Variants in ARHGEF4 observed in about 807,000 individuals in gnomAD.
ARHGEF4 encodes APC-stimulated guanine nucleotide exchange factor 1.
Under a neutral mutation model 162.0 loss-of-function variants are expected in ARHGEF4, and 119 were observed. The ratio of observed to expected loss-of-function variants is 0.73; its 90% CI spans 0.63 to 0.86. The LOEUF is 0.86. ARHGEF4 is among the 40% of genes least tolerant of loss of function. The pLI is 0.00. For missense variants in ARHGEF4, 2,488 were observed against 2,456.0 expected, an observed-to-expected ratio of 1.01 and a Z score of -0.28; for synonymous variants, 1,014 against 979.9, an observed-to-expected ratio of 1.03 and a Z score of -0.65.
intron 1 of ARHGEF4, among the ~76,000 whole-genome samples, chr2:130,852,923 C>G (rs1444434596): frequency 6.6e-6 from 1 of 152,202 alleles, no homozygotes; most frequent in Non-Finnish European, 1.5e-5. Flanking sequence ...TCAGCAGCAG[C>G]CGGCTGCCCC....
chr2:130,944,199 A>T (rs756742800), intron 3 of ARHGEF4, among the ~76,000 whole-genome samples: 2 of 151,836 alleles, frequency 1.3e-5, no homozygotes, highest in African/African-American at 4.8e-5. Flanking sequence ...CTGCTTTAAG[A>T]TTTTTTTCAT....
At chr2:130,937,402 C>CATT (rs1683022372) in intron 3 of ARHGEF4, among the ~76,000 whole-genome samples, 1 of 152,082 alleles carries the variant, frequency 6.6e-6, no homozygotes, top group Admixed American at 6.6e-5. Flanking sequence ...AGACATGTTA[C>CATT]ATTGAATTTT....
At chr2:131,023,491 A>C (rs1689278649) in intron 4 of ARHGEF4, among the ~76,000 whole-genome samples, 1 of 152,200 alleles carries the variant, frequency 6.6e-6, no homozygotes, top group African/African-American at 2.4e-5. Context: ...TATGGCAAGT[A>C]AGCACATGAA....
chr2:131,037,925 A>G (rs1256078363), intron 5 of ARHGEF4, among the ~76,000 whole-genome samples: 1 of 152,214 alleles, frequency 6.6e-6, no homozygotes, highest in Non-Finnish European at 1.5e-5. Context: ...TGCTTCTCCT[A>G]GAACTTGGGA....
chr2:131,011,684 A>G lies in ARHGEF4; in HGVS notation c.3986-16261A>G, dbSNP rs1038948586. ...CCATCGGAGCTGATGGGGGTGGGGTAGAGAGAGGAAATGAGGCCAGATGGG... is the reference window on the plus strand; with the variant it reads ...CCATCGGAGCTGATGGGGGTGGGGTGGAGAGAGGAAATGAGGCCAGATGGG... On this transcript the variant is annotated intron_variant, in intron 4 of 13. Coordinates refer to ENST00000409359, the MANE Select transcript of ARHGEF4 (RefSeq NM_001367493.1). 1.0e-5 allele frequency: 16 copies of G among 1,531,486 alleles called. No homozygotes were observed. In the African/African-American group the frequency reaches 2.2e-4, roughly 21 times the overall value. 94.9% of individuals were successfully genotyped at this position (1,531,486 alleles called of 1,614,324 possible). A position where few individuals can be genotyped will look rare whatever the true frequency, so the allele number is the denominator to read the frequency against.
In ARHGEF4 at chr2:130,839,558, G is replaced by T. The variant is rs75013459; in HGVS notation, c.39+2566G>T. Among the ~76,000 whole-genome samples, 197 of 152,346 alleles carry T rather than the reference G, an allele frequency of 1.3e-3. 2 individuals carry two copies. The East Asian group carries it at 0.031, about 24-fold the overall frequency. The stretch of plus-strand genomic sequence containing the variant: ...ACCGTGGGATCCATGGGGCATGACA[G>T]TCGTGTGGCAGAGTCCCTCCCCGTG... On this transcript the variant is annotated intron_variant, in intron 1 of 13. Coordinates refer to ENST00000409359, the MANE Select transcript of ARHGEF4 (RefSeq NM_001367493.1).
intron 1 of ARHGEF4, chr2:130,837,330 G>A: frequency 8.7e-6 from 3 of 346,086 alleles, no homozygotes; most frequent in Non-Finnish European, 1.1e-5. Context: ...ACTCGGAGCC[G>A]CTGCCTGGAC....
At chr2:131,041,092 A>G in intron 8 of ARHGEF4, 138 bp from the exon 9 acceptor site, 1 of 710,000 alleles carries the variant, frequency 1.4e-6, no homozygotes, top group South Asian at 1.8e-5. Flanking sequence ...GGAAATAGGT[A>G]CACACAGCCT....
chr2:131,035,541 A>G (rs1408410040), intron 5 of ARHGEF4: 2 of 531,540 alleles, frequency 3.8e-6, no homozygotes, highest in Non-Finnish European at 5.0e-6. Context: ...GTAACCGAGG[A>G]TGCGGATTCA....
intron 4 of ARHGEF4, among the ~76,000 whole-genome samples, chr2:130,953,360 A>G (rs1211270359): frequency 2.0e-5 from 3 of 152,230 alleles, no homozygotes; most frequent in African/African-American, 7.2e-5. Flanking sequence ...CCATATGTAG[A>G]AAGCTGAAAC....
chr2:131,002,090 G>A (rs1269927579), intron 4 of ARHGEF4, among the ~76,000 whole-genome samples: 1 of 152,130 alleles, frequency 6.6e-6, no homozygotes, highest in African/African-American at 2.4e-5. Flanking sequence ...AATACTTACT[G>A]AGAATCTACT....
intron 2 of ARHGEF4, among the ~76,000 whole-genome samples, chr2:130,918,917 C>T (rs1160132431): frequency 1.3e-5 from 2 of 152,120 alleles, no homozygotes; most frequent in Non-Finnish European, 2.9e-5. Flanking sequence ...AAGGAAAAGG[C>T]CTCTCCCCAA....
intron 1 of ARHGEF4, among the ~76,000 whole-genome samples, chr2:130,894,144 T>G (rs764521892): frequency 6.6e-6 from 1 of 152,232 alleles, no homozygotes; most frequent in Non-Finnish European, 1.5e-5. Context: ...AGCCCCAGTT[T>G]GCCATGGACA....
intron 6 of ARHGEF4, chr2:131,039,602 T>A: frequency 3.8e-6 from 4 of 1,045,292 alleles, no homozygotes; most frequent in Non-Finnish European, 4.6e-6. Flanking sequence ...CTGCCCCAGA[T>A]CCCCTGGGAA....
At chr2:130,877,321 G>T (rs1204492127) in intron 1 of ARHGEF4, among the ~76,000 whole-genome samples, 3 of 152,146 alleles carry the variant, frequency 2.0e-5, no homozygotes, top group African/African-American at 7.2e-5. Flanking sequence ...TATATTTAGT[G>T]TACACAACAT....
At chr2:130,968,408 C>A (rs1224614185) in intron 4 of ARHGEF4, among the ~76,000 whole-genome samples, 1 of 152,182 alleles carries the variant, frequency 6.6e-6, no homozygotes, top group Non-Finnish European at 1.5e-5. Flanking sequence ...GCAAGTTAGC[C>A]TTGGTAAGGA....
chr2:130,914,815 C>G lies in ARHGEF4; in HGVS notation c.869C>G (p.Ser290Trp), dbSNP rs116650837. ...GAATTGCTCTGGTCCCAGCCCCACT[C>G]GGATGTCCCCTGCCAGCCTCCTTTG... is the stretch of plus-strand genomic sequence containing the variant. ...DTELLWSQPHSDVPCQPPLRT... is the reference protein window; with the variant it reads ...DTELLWSQPHWDVPCQPPLRT... The change falls in exon 2 of 14, where the codon TCG becomes TGG. Residue 290 changes from serine to tryptophan, a missense_variant. Around this residue, in one of 6 missense-constraint regions of ARHGEF4, gnomAD observed 1,642 missense variants for 1,481.5 expected, o/e 1.11. Transcript: ENST00000409359. The G allele has an allele frequency of 2.1e-6, 3 of 1,452,074 alleles. No individual in the cohort carries two copies. Among genetic ancestry groups the G allele is most frequent in the Non-Finnish European group, 2.7e-6 (3 of 1,104,912 alleles). 89.9% of individuals were successfully genotyped at this position (1,452,074 alleles called of 1,614,324 possible). A position where few individuals can be genotyped will look rare whatever the true frequency, so the allele number is the denominator to read the frequency against.
chr2:130,914,315 T>C lies in ARHGEF4; in HGVS notation c.369T>C (p.Pro123=). The C allele has an allele frequency of 6.7e-7, 1 of 1,490,388 alleles. No homozygotes were observed. The highest frequency in any genetic ancestry group is 8.9e-7 in the Non-Finnish European group (1 of 1,123,500). The allele number at this position is 1,490,388 out of a possible 1,614,324, so 92.3% of individuals were successfully genotyped here. Residue 123 remains proline (P), a synonymous_variant, in exon 2 of 14, where the codon CCT becomes CCC. Coordinates refer to ENST00000409359, the MANE Select transcript of ARHGEF4 (RefSeq NM_001367493.1). ...PPQEQHLTSV[P]GLHAKEELDL... is the part of the protein sequence containing the mutation. ...AGGAGCAGCATTTGACCAGTGTTCCTGGGCTTCATGCAAAGGAAGAACTCG... is the reference window on the plus strand; with the variant it reads ...AGGAGCAGCATTTGACCAGTGTTCCCGGGCTTCATGCAAAGGAAGAACTCG...
intron 4 of ARHGEF4, among the ~76,000 whole-genome samples, chr2:130,981,436 G>A (rs1447515016): frequency 7.9e-5 from 12 of 152,192 alleles, no homozygotes; most frequent in East Asian, 7.7e-4. Context: ...CAAGGCAGGC[G>A]GATCCCAAGG....
Sources: allele counts gnomAD v4.1 joint callset (sites outside exome capture counted in the v4.1 genomes callset), GRCh38; gene constraint gnomAD v4.1.1; regional missense constraint gnomAD v4.1.1; transcripts MANE v1.5; gene names NCBI Gene and HGNC (gene_info 2026-07-23, HGNC 2026-07-21).